The following UBE2H variants were observed in gnomAD, a reference collection of about 807,000 sequenced individuals.
The protein encoded by UBE2H is ubiquitin-conjugating enzyme E2 H.
In UBE2H, 3 loss-of-function variants were observed where a neutral mutation model predicts 29.0. That is an observed-to-expected ratio of 0.10 (90% CI 0.05 to 0.27). The LOEUF (loss-of-function observed/expected upper bound fraction) is 0.27, where lower values mean the gene tolerates loss of function less well. Ranked by LOEUF, UBE2H falls within the 10% of genes least tolerant of loss-of-function variation. The pLI is 1.00. For missense variants in UBE2H, 68 were observed against 228.2 expected, an observed-to-expected ratio of 0.30 and a Z score of 4.52; for synonymous variants, 69 against 82.9, an observed-to-expected ratio of 0.83 and a Z score of 0.91.
chr7:129,946,441 G>A (rs948460707), intron 1 of UBE2H, among the ~76,000 whole-genome samples: 19 of 152,112 alleles, frequency 1.2e-4, no homozygotes, highest in African/African-American at 4.6e-4. Flanking sequence ...ATGATCAACA[G>A]GTTGAAAACA....
At chr7:129,919,393 T>G (rs57085267) in intron 1 of UBE2H, among the ~76,000 whole-genome samples, 1 of 151,990 alleles carries the variant, frequency 6.6e-6, no homozygotes, top group African/African-American at 2.4e-5. Context: ...CTTCAATGAG[T>G]CTGGTGCCGG....
At chr7:129,936,021 A>C (rs980238568) in intron 1 of UBE2H, among the ~76,000 whole-genome samples, 2 of 152,214 alleles carry the variant, frequency 1.3e-5, no homozygotes, top group East Asian at 1.9e-4. Context: ...GAAAGCCACC[A>C]TTGCTTTGTA....
At chr7:129,899,563 T>C (rs1315128408) in intron 1 of UBE2H, among the ~76,000 whole-genome samples, 1 of 152,196 alleles carries the variant, frequency 6.6e-6, no homozygotes, top group African/African-American at 2.4e-5. Flanking sequence ...CTGTTCCTTC[T>C]TGCCTCTTTA....
chr7:129,917,187 C>T (rs922762016), intron 1 of UBE2H, among the ~76,000 whole-genome samples: 4 of 152,176 alleles, frequency 2.6e-5, no homozygotes, highest in South Asian at 4.1e-4. Flanking sequence ...AGCGAGACTC[C>T]GTCTCAAACA....
intron 3 of UBE2H, among the ~76,000 whole-genome samples, chr7:129,866,688 G>C (rs1194935726): frequency 6.6e-6 from 1 of 152,116 alleles, no homozygotes; most frequent in Admixed American, 6.6e-5. Flanking sequence ...TTGCATATAT[G>C]TACCAAAATA....
intron 3 of UBE2H, 130 bp downstream of exon 3, chr7:129,879,438 A>C: frequency 2.4e-6 from 2 of 836,450 alleles, no homozygotes; most frequent in African/African-American, 3.4e-5. Context: ...CTGATTAATT[A>C]ACCAAAGCCA....
chr7:129,873,729 C>T (rs1032546878), intron 3 of UBE2H, among the ~76,000 whole-genome samples: 7 of 152,054 alleles, frequency 4.6e-5, no homozygotes, highest in African/African-American at 9.7e-5. Context: ...TGAGCCACTG[C>T]GCTCGGCCTC....
At chr7:129,942,212 CA>C (rs966117564) in intron 1 of UBE2H, among the ~76,000 whole-genome samples, 4,141 of 36,924 alleles carry the variant, frequency 0.11, 14 homozygotes, top group Non-Finnish European at 0.15. Context: ...GACTCGGTCT[CA>C]AAAAAAAAAA....
intron 5 of UBE2H, among the ~76,000 whole-genome samples, chr7:129,854,883 C>T (rs1250752788): frequency 6.6e-6 from 1 of 151,596 alleles, no homozygotes; most frequent in Non-Finnish European, 1.5e-5. Context: ...CCGATACATG[C>T]AACACGGATC....
At chr7:129,853,237 G>A (rs1418099185) in intron 5 of UBE2H, among the ~76,000 whole-genome samples, 1 of 151,880 alleles carries the variant, frequency 6.6e-6, no homozygotes, top group East Asian at 1.9e-4. Flanking sequence ...ATATTTTGGA[G>A]AAAAAAAGGA....
chr7:129,913,546 T>C (rs1036941432), intron 1 of UBE2H, among the ~76,000 whole-genome samples: 8 of 152,180 alleles, frequency 5.3e-5, no homozygotes, highest in Non-Finnish European at 8.8e-5. Flanking sequence ...CTAGATGCCA[T>C]TCCAAGCATC....
chr7:129,854,886 C>A (rs1176845058), intron 5 of UBE2H, among the ~76,000 whole-genome samples: 1 of 151,696 alleles, frequency 6.6e-6, no homozygotes, highest in Non-Finnish European at 1.5e-5. Flanking sequence ...ATACATGCAA[C>A]ACGGATCAAC....
At chr7:129,863,224 C>T (rs947584983) in intron 3 of UBE2H, among the ~76,000 whole-genome samples, 3 of 152,120 alleles carry the variant, frequency 2.0e-5, no homozygotes, top group South Asian at 4.1e-4. Flanking sequence ...GGTAAACATA[C>T]GCTTTAGTAA....
chr7:129,903,565 CCAGCCTGGGCAACA>C (rs1806759045), intron 1 of UBE2H, among the ~76,000 whole-genome samples: 1 of 152,130 alleles, frequency 6.6e-6, no homozygotes, highest in South Asian at 2.1e-4. Context: ...GAGTTTGAGA[CCAGCCTGGGCAACA>C]CAGCAAGACG....
chr7:129,948,968 T>G (rs1206599477), intron 1 of UBE2H: 3 of 456,720 alleles, frequency 6.6e-6, no homozygotes, highest in Non-Finnish European at 1.3e-5. Context: ...CTCCATCAGC[T>G]GTTTGGTAGC....
intron 3 of UBE2H, chr7:129,865,138 T>A: frequency 2.7e-6 from 1 of 375,846 alleles, no homozygotes; most frequent in Non-Finnish European, 5.3e-6. Context: ...AAGTACAGAT[T>A]ACAACAGAAA....
intron 5 of UBE2H, among the ~76,000 whole-genome samples, chr7:129,841,908 T>A (rs998109031): frequency 6.6e-6 from 1 of 152,190 alleles, no homozygotes; most frequent in Non-Finnish European, 1.5e-5. Context: ...TATCTACAAT[T>A]TTTTTAAAAA....
intron 1 of UBE2H, among the ~76,000 whole-genome samples, chr7:129,898,184 A>T (rs549589746): frequency 5.9e-5 from 9 of 152,366 alleles, no homozygotes; most frequent in Admixed American, 3.3e-4. Flanking sequence ...CTAGGTGTGC[A>T]ATGTGATACA....
chr7:129,934,897 A>G (rs1366192137), intron 1 of UBE2H, among the ~76,000 whole-genome samples: 1 of 150,432 alleles, frequency 6.6e-6, no homozygotes, highest in African/African-American at 2.4e-5. Flanking sequence ...CATTTCTACA[A>G]AAAGTATATA....
Sources: allele counts gnomAD v4.1 joint callset (sites outside exome capture counted in the v4.1 genomes callset), GRCh38; gene constraint gnomAD v4.1.1; transcripts MANE v1.5; gene names NCBI Gene and HGNC (gene_info 2026-07-23, HGNC 2026-07-21).